The following MIPEP variants were observed in gnomAD, a reference collection of about 807,000 sequenced individuals.
MIPEP encodes mitochondrial intermediate peptidase.
A neutral mutation model predicts 90.3 loss-of-function variants in MIPEP; 79 were observed. The ratio of observed to expected loss-of-function variants is 0.87; its 90% CI spans 0.73 to 1.05. The LOEUF (loss-of-function observed/expected upper bound fraction) is 1.05, where lower values mean the gene tolerates loss of function less well. Ranked by LOEUF, MIPEP falls within the 50% of genes least tolerant of loss-of-function variation. MIPEP has a pLI of 0.00. For synonymous variants in MIPEP, 334 were observed against 315.8 expected (o/e 1.06, Z -0.61); for missense variants, 940 against 905.6 (o/e 1.04, Z -0.49).
At chr13:23,805,914 TCAATACACAAAA>T in intron 16 of MIPEP, 24 bp downstream of exon 16, 1 of 1,608,862 alleles carries the variant, frequency 6.2e-7, no homozygotes. Flanking sequence ...GCAGAACCAC[TCAATACACAAAA>T]CAGAAGCCAA....
At chr13:23,806,310 C>T (rs1953106515) in intron 15 of MIPEP, among the ~76,000 whole-genome samples, 1 of 152,164 alleles carries the variant, frequency 6.6e-6, no homozygotes, top group Non-Finnish European at 1.5e-5. Context: ...TTGAACCATA[C>T]CCATAAGATA....
chr13:23,792,455 C>T (rs1001152019), intron 16 of MIPEP, among the ~76,000 whole-genome samples: 2 of 152,212 alleles, frequency 1.3e-5, no homozygotes, highest in East Asian at 3.8e-4. Flanking sequence ...GGTGCAATCA[C>T]AGCTCATTGC....
chr13:23,734,547 A>C (rs546221130), intron 18 of MIPEP, among the ~76,000 whole-genome samples: 1 of 152,296 alleles, frequency 6.6e-6, no homozygotes, highest in Non-Finnish European at 1.5e-5. Context: ...GTTCCTCTAG[A>C]ATTTGGAAAT....
intron 17 of MIPEP, chr13:23,756,888 A>C (rs1325305620): frequency 6.8e-6 from 3 of 439,856 alleles, no homozygotes; most frequent in African/African-American, 6.0e-5. Context: ...ACTTTATAAA[A>C]ATAATTAACT....
chr13:23,854,620 G>A (rs1869968734), intron 10 of MIPEP, among the ~76,000 whole-genome samples: 1 of 152,032 alleles, frequency 6.6e-6, no homozygotes. Context: ...GGCAGGGTGT[G>A]GTGGCTCATG....
chr13:23,862,915 C>G (rs1397463972), intron 8 of MIPEP, among the ~76,000 whole-genome samples: 2 of 152,204 alleles, frequency 1.3e-5, no homozygotes, highest in African/African-American at 2.4e-5. Flanking sequence ...TAGAGAAAGA[C>G]TACTAACACT....
At chr13:23,742,798 C>A (rs1366352753) in intron 18 of MIPEP, among the ~76,000 whole-genome samples, 1 of 152,096 alleles carries the variant, frequency 6.6e-6, no homozygotes, top group Non-Finnish European at 1.5e-5. Context: ...AAAATAAATC[C>A]ATTTTTCTAC....
chr13:23,882,665 A>C (rs1304988138), intron 2 of MIPEP, among the ~76,000 whole-genome samples: 1 of 136,910 alleles, frequency 7.3e-6, no homozygotes, highest in Non-Finnish European at 1.6e-5. Flanking sequence ...TACATATTTT[A>C]TTTGCCAAGA....
intron 13 of MIPEP, 22 bp from the exon 14 acceptor site, chr13:23,836,371 A>C (rs556245368): frequency 7.1e-7 from 1 of 1,415,010 alleles, no homozygotes; most frequent in South Asian, 1.4e-5. Context: ...AAAAAAAAAA[A>C]GTTGGCATGA....
chr13:23,857,548 C>T (rs532632270), intron 10 of MIPEP, among the ~76,000 whole-genome samples: 10 of 151,758 alleles, frequency 6.6e-5, no homozygotes, highest in Admixed American at 2.0e-4. Context: ...TTGGCCTGGG[C>T]GACAAAGTGA....
At chr13:23,777,552 A>G (rs186339467) in intron 16 of MIPEP, among the ~76,000 whole-genome samples, 1 of 152,346 alleles carries the variant, frequency 6.6e-6, no homozygotes, top group East Asian at 1.9e-4. Context: ...ATGGTTACAC[A>G]GAATGTTATC....
In MIPEP at chr13:23,889,343, C is replaced by G. The variant is rs1457977909; in HGVS notation, c.-23G>C. On this transcript the variant is annotated 5_prime_UTR_variant, in exon 1 of 19. Coordinates refer to ENST00000382172, the MANE Select transcript of MIPEP (RefSeq NM_005932.4). The stretch of plus-strand genomic sequence containing the variant: ...CATTCTAGCACCAGAGCAGTCCCTT[C>G]CTCCAACGCAGATCCCTGCCCTGCT... 1.5e-6 allele frequency: 2 copies of G among 1,299,842 alleles called. No individual in the cohort carries two copies. Among genetic ancestry groups the G allele is most frequent in the African/African-American group, 3.1e-5 (2 of 64,794 alleles). 80.5% of individuals were successfully genotyped at this position (1,299,842 alleles called of 1,614,324 possible). A position where few individuals can be genotyped will look rare whatever the true frequency, so the allele number is the denominator to read the frequency against.
chr13:23,733,630 T>C (rs1023563751), intron 18 of MIPEP, among the ~76,000 whole-genome samples: 1 of 152,140 alleles, frequency 6.6e-6, no homozygotes. Flanking sequence ...GGGTGGGAAA[T>C]AGACCAAGGA....
At chr13:23,732,211 A>G (rs1952213834) in intron 18 of MIPEP, among the ~76,000 whole-genome samples, 1 of 151,778 alleles carries the variant, frequency 6.6e-6, no homozygotes, top group Admixed American at 6.6e-5. Flanking sequence ...CTGGTCTTGA[A>G]CTTCTGGGCT....
chr13:23,852,185 G>A (rs1036207966), intron 10 of MIPEP, among the ~76,000 whole-genome samples: 20 of 152,156 alleles, frequency 1.3e-4, no homozygotes, highest in African/African-American at 4.8e-4. Flanking sequence ...AGAATGTGGA[G>A]GCTTTGTTGG....
chr13:23,886,556 C>CT (rs1871491409), intron 1 of MIPEP, 50 bp from the exon 2 acceptor site: 6 of 1,425,152 alleles, frequency 4.2e-6, no homozygotes, highest in Admixed American at 2.5e-5. Context: ...CAAAATTGTG[C>CT]TTTTTTTATA....
chr13:23,888,380 A>C (rs923572527), intron 1 of MIPEP, among the ~76,000 whole-genome samples: 2 of 152,230 alleles, frequency 1.3e-5, no homozygotes, highest in African/African-American at 4.8e-5. Context: ...AATACAGTAT[A>C]ACGAAATTTT....
At chr13:23,870,229 C>T (rs372488036) in intron 5 of MIPEP, 34 bp from the exon 6 acceptor site, 27 of 1,364,128 alleles carry the variant, frequency 2.0e-5, no homozygotes, top group Non-Finnish European at 2.5e-5. Flanking sequence ...TATTTAAAGG[C>T]GTTTTGAATT....
At chr13:23,851,118 TC>T (rs1434440792) in intron 10 of MIPEP, among the ~76,000 whole-genome samples, 1 of 152,280 alleles carries the variant, frequency 6.6e-6, no homozygotes, top group East Asian at 1.9e-4. Context: ...CTCAGACCTC[TC>T]CCCAGGTTGC....
Sources: gnomAD v4.1 joint callset for allele counts (sites outside exome capture counted in the v4.1 genomes callset) on GRCh38, gnomAD v4.1.1 for gene constraint, MANE v1.5 for transcripts, NCBI Gene and HGNC (gene_info 2026-07-23, HGNC 2026-07-21) for gene names.